Variants in UGT2B4 observed in about 807,000 individuals in gnomAD.
UGT2B4 encodes the protein UDP-glucuronosyltransferase 2B4.
Under a neutral mutation model 49.8 loss-of-function variants are expected in UGT2B4, and 49 were observed. The ratio of observed to expected loss-of-function variants is 0.98; its 90% CI spans 0.78 to 1.25. The LOEUF (loss-of-function observed/expected upper bound fraction) is 1.25. UGT2B4 is among the 50% of genes most tolerant of loss of function. The pLI is 0.00. For synonymous variants in UGT2B4, 246 were observed against 217.7 expected, an observed-to-expected ratio of 1.13 and a Z score of -1.14; for missense variants, 729 against 627.7, an observed-to-expected ratio of 1.16 and a Z score of -1.73.
Position 69,480,511 on chromosome 4 carries a change from G to C in UGT2B4, c.*123C>G, listed in dbSNP as rs762512901. The C allele has an allele frequency of 2.1e-4, 306 of 1,449,482 alleles. No individual in the cohort carries two copies. In the Middle Eastern group the frequency reaches 2.2e-3, roughly 11 times the overall value. 89.8% of individuals were successfully genotyped at this position (1,449,482 alleles called of 1,614,324 possible). Reference sequence around the variant, plus strand: ...CTAAAACAAATTTTGACTTGACAAGGTAAGTTTTGAAAGATGTTTTGTCAC... The same window carrying C: ...CTAAAACAAATTTTGACTTGACAAGCTAAGTTTTGAAAGATGTTTTGTCAC... On this transcript the variant is annotated 3_prime_UTR_variant, in exon 6 of 6. Transcript: ENST00000305107.
At position 69,495,136 on chromosome 4, in the gene UGT2B4, C is replaced by CT; in HGVS notation, c.721+4dup. 1 of 1,510,924 alleles carries CT rather than the reference C, an allele frequency of 6.6e-7. No individual in the cohort carries two copies. The highest frequency in any genetic ancestry group is 1.4e-5 in the South Asian group (1 of 71,182). The allele number at this position is 1,510,924 out of a possible 1,614,324, so 93.6% of individuals were successfully genotyped here. A position where few individuals can be genotyped will look rare whatever the true frequency, so the allele number is the denominator to read the frequency against. On this transcript the variant is annotated splice_donor_region_variant and intron_variant, in intron 1 of 5. Coordinates refer to ENST00000305107, the MANE Select transcript of UGT2B4 (RefSeq NM_021139.3). ...TTCATGTTACCAATCAAAAAAGTTA[C>CT]TTACCTAGAACTTCACTGTAGAACT...
In UGT2B4 at chr4:69,485,300, C is replaced by T. The variant is rs752649345; in HGVS notation, c.1218G>A (p.Met406Ile). ...FADQPDNIAHMKAKGAAVSLD... is the reference protein window; with the variant it reads ...FADQPDNIAHIKAKGAAVSLD... ...AACTAACAGCTGCTCCCTTGGCCTT[C>T]ATGTGTGCAATGTTATCAGGTTGAT... Residue 406 changes from methionine (M) to isoleucine (I), a missense_variant, in exon 5 of 6, where the codon ATG becomes ATA. Met to Ile is a conservative substitution (Grantham distance 10, BLOSUM62 1). Transcript: ENST00000305107. 4 of 1,613,886 alleles carry T rather than the reference C, an allele frequency of 2.5e-6. No homozygotes were observed.
chr4:69,500,668 A>G (rs528759001), upstream of UGT2B4, among the ~76,000 whole-genome samples: 30 of 110,166 alleles, frequency 2.7e-4, no homozygotes, highest in African/African-American at 8.2e-4. Flanking sequence ...AAAGAAAGAA[A>G]GGAAGGAAAG....
chr4:69,487,233 T>C (rs758507254), intron 3 of UGT2B4, among the ~76,000 whole-genome samples: 8 of 152,340 alleles, frequency 5.3e-5, no homozygotes, highest in Non-Finnish European at 1.0e-4. Flanking sequence ...TTACTGGGTA[T>C]GTATCTAAAG....
upstream of UGT2B4, among the ~76,000 whole-genome samples, chr4:69,498,007 G>T (rs890914956): frequency 3.1e-5 from 3 of 97,586 alleles, no homozygotes; most frequent in African/African-American, 9.0e-5. Flanking sequence ...GACTCTCCAC[G>T]AAGAAAAAAG....
intron 1 of UGT2B4, among the ~76,000 whole-genome samples, chr4:69,516,621 AT>A (rs1160598208): frequency 1.8e-4 from 27 of 151,946 alleles, no homozygotes; most frequent in Non-Finnish European, 3.5e-4. Flanking sequence ...GTATTTATTT[AT>A]TTAAGACGGG....
At chr4:69,524,555 G>T (rs76829484) in intron 1 of UGT2B4, among the ~76,000 whole-genome samples, 53,181 of 151,488 alleles carry the variant, frequency 0.35, 9,364 homozygotes, top group Non-Finnish European at 0.37. Flanking sequence ...CTCAACATAA[G>T]GAATATAGCA....
chr4:69,499,021 A>G (rs115258135), upstream of UGT2B4, among the ~76,000 whole-genome samples: 663 of 152,226 alleles, frequency 4.4e-3, 3 homozygotes, highest in African/African-American at 0.015. Context: ...TTTCCCGCTT[A>G]GCAATGCTTT....
intron 4 of UGT2B4, 121 bp downstream of exon 4, chr4:69,486,488 A>T: frequency 1.6e-6 from 1 of 607,620 alleles, no homozygotes; most frequent in Admixed American, 3.5e-5. Context: ...AATATAAAGA[A>T]GTTTCATTTT....
intron 3 of UGT2B4, among the ~76,000 whole-genome samples, chr4:69,487,995 C>T (rs1384964493): frequency 6.6e-6 from 1 of 151,792 alleles, no homozygotes; most frequent in Admixed American, 6.6e-5. Flanking sequence ...AGTTTGATGT[C>T]CTTTGATTGA....
intron 1 of UGT2B4, among the ~76,000 whole-genome samples, chr4:69,519,636 A>G (rs562720303): frequency 1.2e-4 from 18 of 152,332 alleles, no homozygotes; most frequent in African/African-American, 4.3e-4. Flanking sequence ...TAACATCTCT[A>G]AATACCTCCT....
intron 5 of UGT2B4, among the ~76,000 whole-genome samples, chr4:69,482,999 G>C (rs1727647260): frequency 6.6e-6 from 1 of 151,818 alleles, no homozygotes; most frequent in South Asian, 2.1e-4. Flanking sequence ...ACAATTTCTG[G>C]ACACTATTAA....
At chr4:69,513,754 AGTGGTTT>A (rs1728664890) in intron 1 of UGT2B4, among the ~76,000 whole-genome samples, 1 of 152,120 alleles carries the variant, frequency 6.6e-6, no homozygotes, top group South Asian at 2.1e-4. Context: ...TATTTGAAGC[AGTGGTTT>A]GTAGTTCTCC....
chr4:69,500,489 A>C (rs990922801), upstream of UGT2B4, among the ~76,000 whole-genome samples: 2 of 144,618 alleles, frequency 1.4e-5, no homozygotes, highest in Non-Finnish European at 1.5e-5. Flanking sequence ...GAAAAGAAAG[A>C]AAGCAAGAAA....
At chr4:69,505,393 T>TA (rs902615708) in intron 1 of UGT2B4, among the ~76,000 whole-genome samples, 2 of 151,398 alleles carry the variant, frequency 1.3e-5, no homozygotes, top group African/African-American at 2.4e-5. Context: ...ACCAAACAGA[T>TA]AAAAAACAGA....
At chr4:69,486,051 G>T (rs1248917055) in intron 4 of UGT2B4, among the ~76,000 whole-genome samples, 1 of 152,104 alleles carries the variant, frequency 6.6e-6, no homozygotes, top group African/African-American at 2.4e-5. Flanking sequence ...GTGAGCCACC[G>T]TGCCCAGCCA....
At chr4:69,504,133 A>T (rs570215563) in intron 1 of UGT2B4, among the ~76,000 whole-genome samples, 1 of 152,204 alleles carries the variant, frequency 6.6e-6, no homozygotes, top group Non-Finnish European at 1.5e-5. Flanking sequence ...AATTATTGCA[A>T]GAATGCTGAA....
At chr4:69,494,672 G>T (rs113862026) in intron 1 of UGT2B4, among the ~76,000 whole-genome samples, 1 of 152,056 alleles carries the variant, frequency 6.6e-6, no homozygotes, top group African/African-American at 2.4e-5. Flanking sequence ...TGGAGGAAAC[G>T]TTCTAGTAAC....
intron 5 of UGT2B4, among the ~76,000 whole-genome samples, chr4:69,484,582 A>G (rs781576416): frequency 3.3e-5 from 5 of 152,182 alleles, no homozygotes; most frequent in Non-Finnish European, 7.3e-5. Flanking sequence ...TGTAGAGAGA[A>G]TAATCTATAG....
Sources: allele counts gnomAD v4.1 joint callset (sites outside exome capture counted in the v4.1 genomes callset), GRCh38; gene constraint gnomAD v4.1.1; transcripts MANE v1.5; gene names NCBI Gene and HGNC (gene_info 2026-07-23, HGNC 2026-07-21).